Variants in INSYN2B observed in about 807,000 individuals in gnomAD.
INSYN2B encodes the protein inhibitory synaptic factor family member 2B.
In INSYN2B, 16 loss-of-function variants were observed where a neutral mutation model predicts 41.2. The observed-to-expected ratio is 0.39, with a 90% CI of 0.26 to 0.59. The LOEUF (loss-of-function observed/expected upper bound fraction) is 0.59. Among genes scored for constraint, INSYN2B ranks in the 20% least tolerant of loss-of-function variants. The pLI is 0.57. For missense variants in INSYN2B, 608 were observed against 646.4 expected (o/e 0.94, Z 0.64); for synonymous variants, 245 against 244.4 (o/e 1.00, Z -0.02).
At chr5:169,947,303 G>A (rs923144021) in intron 1 of INSYN2B, among the ~76,000 whole-genome samples, 1 of 152,242 alleles carries the variant, frequency 6.6e-6, no homozygotes, top group African/African-American at 2.4e-5. Context: ...GAGGAGATGG[G>A]TCTTGGAATA....
Position 169,955,115 on chromosome 5 carries a change from C to G in INSYN2B, c.-919+25162G>C, listed in dbSNP as rs369348293. Among the ~76,000 whole-genome samples, 14 of 152,296 alleles carry G rather than the reference C, an allele frequency of 9.2e-5. No homozygotes were observed. The East Asian group carries it at 2.5e-3, about 27-fold the overall frequency. On this transcript the variant is annotated intron_variant, in intron 1 of 3. Transcript: ENST00000377365. ...GAAGCAAGGCAACCCCATAACCTTG[C>G]AGAGATTCAGGAATGATGGAAGCTG...
chr5:169,935,334 A>T (rs879854968), intron 1 of INSYN2B, among the ~76,000 whole-genome samples: 2 of 152,168 alleles, frequency 1.3e-5, no homozygotes, highest in Non-Finnish European at 2.9e-5. Flanking sequence ...TGTGTAGGGA[A>T]ACTGAATCTC....
At chr5:169,941,357 G>A (rs1776238487) in intron 1 of INSYN2B, among the ~76,000 whole-genome samples, 3 of 152,106 alleles carry the variant, frequency 2.0e-5, no homozygotes, top group Admixed American at 1.3e-4. Context: ...ACAGGCCTGT[G>A]CCCCCAGGCC....
intron 1 of INSYN2B, among the ~76,000 whole-genome samples, chr5:169,945,857 C>T (rs1388010066): frequency 6.6e-6 from 1 of 152,190 alleles, no homozygotes; most frequent in Non-Finnish European, 1.5e-5. Context: ...TTTTTCTTGA[C>T]TCGTCCTTAT....
At position 169,864,098 on chromosome 5, in the gene INSYN2B, C is replaced by T. The variant is rs1023580915; in HGVS notation, c.*175G>A. Among the ~76,000 whole-genome samples, 1 of 152,156 alleles carries T rather than the reference C, an allele frequency of 6.6e-6. No individual in the cohort carries two copies. The highest frequency in any genetic ancestry group is 1.5e-5 in the Non-Finnish European group (1 of 68,034). On this transcript the variant is annotated 3_prime_UTR_variant, in exon 4 of 4. Transcript: ENST00000377365. ...CAGTCGCACGCACTCAGGTAAGGAT[C>T]GTGGTCAGGTGTCCAGCAGCGGCTA...
At chr5:169,920,333 T>G (rs955458928) in intron 1 of INSYN2B, among the ~76,000 whole-genome samples, 3 of 152,208 alleles carry the variant, frequency 2.0e-5, no homozygotes, top group African/African-American at 7.2e-5. Context: ...ATTAGAAGTG[T>G]GGATACTCAT....
At chr5:169,905,600 T>C (rs1416730086) in intron 1 of INSYN2B, among the ~76,000 whole-genome samples, 1 of 152,166 alleles carries the variant, frequency 6.6e-6, no homozygotes, top group Admixed American at 6.5e-5. Context: ...GTATACGGGC[T>C]TGAATGATGT....
At chr5:169,870,772 G>C (rs1032333856) in intron 3 of INSYN2B, among the ~76,000 whole-genome samples, 1 of 152,136 alleles carries the variant, frequency 6.6e-6, no homozygotes, top group South Asian at 2.1e-4. Flanking sequence ...AGATAGGAAG[G>C]TTGTTGCCCA....
intron 1 of INSYN2B, among the ~76,000 whole-genome samples, chr5:169,910,934 T>C (rs930983737): frequency 6.6e-6 from 1 of 152,182 alleles, no homozygotes; most frequent in Non-Finnish European, 1.5e-5. Flanking sequence ...GCACAATTTC[T>C]GAGTCCTTCC....
intron 1 of INSYN2B, among the ~76,000 whole-genome samples, chr5:169,954,662 T>C (rs1776792290): frequency 6.6e-6 from 1 of 152,198 alleles, no homozygotes; most frequent in Admixed American, 6.5e-5. Flanking sequence ...TGCAGTTTGG[T>C]TCTCCAAATG....
chr5:169,881,575 T>C (rs926725141), intron 2 of INSYN2B, 133 bp from the exon 3 acceptor site: 3 of 675,078 alleles, frequency 4.4e-6, no homozygotes, highest in Non-Finnish European at 8.0e-6. Flanking sequence ...CCATTACAAA[T>C]AAGGAAACAA....
At chr5:169,915,349 A>T (rs1227757938) in intron 1 of INSYN2B, among the ~76,000 whole-genome samples, 1 of 152,178 alleles carries the variant, frequency 6.6e-6, no homozygotes, top group Non-Finnish European at 1.5e-5. Flanking sequence ...ACCAGTAAGC[A>T]CTAATATTAA....
chr5:169,970,907 T>C (rs1339854923), intron 1 of INSYN2B, among the ~76,000 whole-genome samples: 1 of 151,638 alleles, frequency 6.6e-6, no homozygotes, highest in Non-Finnish European at 1.5e-5. Flanking sequence ...AATATACGTA[T>C]GGGAGCTGGG....
chr5:169,871,803 C>T (rs1483612126), intron 3 of INSYN2B, among the ~76,000 whole-genome samples: 1 of 152,186 alleles, frequency 6.6e-6, no homozygotes, highest in Non-Finnish European at 1.5e-5. Context: ...ATGGGGGACG[C>T]TTTATGGACC....
chr5:169,946,749 A>C lies in INSYN2B; in HGVS notation c.-919+33528T>G, dbSNP rs892853093. ...AAATAATTTCACACAGCGATAGGCAATCTGAAAGTCACACAGTAGGATCCT... is the reference window on the plus strand; with the variant it reads ...AAATAATTTCACACAGCGATAGGCACTCTGAAAGTCACACAGTAGGATCCT... On this transcript the variant is annotated intron_variant, in intron 1 of 3. Coordinates refer to ENST00000377365, the MANE Select transcript of INSYN2B (RefSeq NM_001129891.3). Among the ~76,000 whole-genome samples the C allele has an allele frequency of 2.6e-5, 4 of 152,364 alleles. No homozygotes were observed. In the South Asian group the frequency reaches 8.3e-4, roughly 32 times the overall value.
intron 1 of INSYN2B, among the ~76,000 whole-genome samples, chr5:169,924,837 T>G (rs1389544087): frequency 2.6e-5 from 4 of 152,200 alleles, no homozygotes; most frequent in Non-Finnish European, 5.9e-5. Flanking sequence ...GTAGGCATAT[T>G]GTCAAAGATT....
chr5:169,978,909 A>G (rs980739213), intron 1 of INSYN2B, among the ~76,000 whole-genome samples: 6 of 152,062 alleles, frequency 3.9e-5, no homozygotes, highest in African/African-American at 1.2e-4. Flanking sequence ...AACCATCCCA[A>G]TCGGAGCGAG....
At chr5:169,891,602 C>A (rs1378655553) in intron 1 of INSYN2B, among the ~76,000 whole-genome samples, 1 of 151,926 alleles carries the variant, frequency 6.6e-6, no homozygotes, top group Admixed American at 6.6e-5. Flanking sequence ...TCAAAGCAAA[C>A]CTAAAAACCA....
At chr5:169,898,511 A>G (rs969096056) in intron 1 of INSYN2B, among the ~76,000 whole-genome samples, 4 of 151,572 alleles carry the variant, frequency 2.6e-5, no homozygotes, top group African/African-American at 9.7e-5. Flanking sequence ...TATCCTCTAC[A>G]TGCACACACA....
Sources: gnomAD v4.1 joint callset for allele counts (sites outside exome capture counted in the v4.1 genomes callset) on GRCh38, gnomAD v4.1.1 for gene constraint, MANE v1.5 for transcripts, NCBI Gene and HGNC (gene_info 2026-07-23, HGNC 2026-07-21) for gene names.